The following DLGAP1 variants were observed in gnomAD, a reference collection of about 807,000 sequenced individuals.
DLGAP1 encodes DLG associated protein 1.
Under a neutral mutation model 90.8 loss-of-function variants are expected in DLGAP1, and 11 were observed. The ratio of observed to expected loss-of-function variants is 0.12; its 90% CI spans 0.08 to 0.20. DLGAP1 has a LOEUF of 0.20. DLGAP1 is among the 10% of genes least tolerant of loss of function. The pLI, the probability that DLGAP1 is intolerant of heterozygous loss-of-function variation, is 1.00. For synonymous variants in DLGAP1, 558 were observed against 540.7 expected, an observed-to-expected ratio of 1.03 and a Z score of -0.44; for missense variants, 1,050 against 1,333.8, an observed-to-expected ratio of 0.79 and a Z score of 3.31.
intron 12 of DLGAP1, among the ~76,000 whole-genome samples, chr18:3,501,281 C>T (rs929401315): frequency 1.3e-5 from 2 of 150,758 alleles, no homozygotes; most frequent in East Asian, 1.9e-4. Context: ...ACTAAATTAC[C>T]AGTATGTGTG....
intron 1 of DLGAP1, among the ~76,000 whole-genome samples, chr18:4,155,746 A>G (rs1568424942): frequency 6.6e-6 from 1 of 152,158 alleles, no homozygotes; most frequent in Non-Finnish European, 1.5e-5. Flanking sequence ...GAAGTGGAAG[A>G]AGGAGTGGAT....
chr18:3,962,230 C>A (rs1229541281), intron 3 of DLGAP1: 1 of 152,036 alleles, frequency 6.6e-6, no homozygotes. Flanking sequence ...AAATAAATTC[C>A]CTAGTTATTC....
chr18:4,298,276 C>T (rs927084808), intron 1 of DLGAP1, among the ~76,000 whole-genome samples: 5 of 152,102 alleles, frequency 3.3e-5, no homozygotes, highest in Non-Finnish European at 7.4e-5. Context: ...AGAAAATTTG[C>T]GTATACACAA....
chr18:4,230,876 T>G (rs1009572538), intron 1 of DLGAP1, among the ~76,000 whole-genome samples: 1 of 151,668 alleles, frequency 6.6e-6, no homozygotes, highest in Non-Finnish European at 1.5e-5. Context: ...AAATATGTCA[T>G]GTATGCCATA....
At chr18:4,034,986 G>A (rs762603420) in intron 2 of DLGAP1, among the ~76,000 whole-genome samples, 5 of 151,598 alleles carry the variant, frequency 3.3e-5, no homozygotes, top group Non-Finnish European at 5.9e-5. Context: ...CTTCATCCAT[G>A]TCCCTGCAAA....
chr18:4,261,320 TC>T (rs201175298), intron 1 of DLGAP1, among the ~76,000 whole-genome samples: 48 of 149,962 alleles, frequency 3.2e-4, no homozygotes, highest in Admixed American at 5.4e-4. Flanking sequence ...ACTCACAGCC[TC>T]CAGTGACCTG....
At chr18:4,119,434 G>A (rs1325251362) in intron 2 of DLGAP1, among the ~76,000 whole-genome samples, 5 of 152,148 alleles carry the variant, frequency 3.3e-5, no homozygotes, top group Admixed American at 1.3e-4. Context: ...AATAATTAGT[G>A]CACTGCAGGA....
intron 1 of DLGAP1, among the ~76,000 whole-genome samples, chr18:4,302,478 T>G (rs2080149132): frequency 6.6e-6 from 1 of 152,168 alleles, no homozygotes; most frequent in South Asian, 2.1e-4. Context: ...TGGGCCTCTA[T>G]TCTGTTCCAT....
At chr18:4,010,768 C>A (rs1193547886) in intron 2 of DLGAP1, among the ~76,000 whole-genome samples, 1 of 152,076 alleles carries the variant, frequency 6.6e-6, no homozygotes, top group Non-Finnish European at 1.5e-5. Flanking sequence ...AGATCCGCAT[C>A]TTTTTCCTGT....
chr18:3,781,016 G>A (rs936316526), intron 5 of DLGAP1, among the ~76,000 whole-genome samples: 2 of 152,036 alleles, frequency 1.3e-5, no homozygotes, highest in African/African-American at 4.8e-5. Context: ...TAGAGATGTG[G>A]TCGGTCTTGT....
At chr18:3,981,396 A>G (rs563533403) in intron 3 of DLGAP1, among the ~76,000 whole-genome samples, 15 of 152,346 alleles carry the variant, frequency 9.8e-5, no homozygotes, top group African/African-American at 3.1e-4. Context: ...ATCCCGACCC[A>G]TGAGGATTCA....
At chr18:3,551,158 C>CATATATATAT (rs1275015577) in intron 9 of DLGAP1, among the ~76,000 whole-genome samples, 150 of 7,816 alleles carry the variant, frequency 0.019, 3 homozygotes, top group Admixed American at 0.03. Flanking sequence ...ATATTATATA[C>CATATATATAT]ATATATATAT....
chr18:4,158,121 G>C (rs2076786932), intron 1 of DLGAP1, among the ~76,000 whole-genome samples: 1 of 152,116 alleles, frequency 6.6e-6, no homozygotes, highest in Non-Finnish European at 1.5e-5. Context: ...TTTAAATCTT[G>C]TATATCATTT....
At chr18:4,053,734 T>C (rs537511245) in intron 2 of DLGAP1, among the ~76,000 whole-genome samples, 1 of 152,310 alleles carries the variant, frequency 6.6e-6, no homozygotes, top group East Asian at 1.9e-4. Context: ...AAACCTCTTA[T>C]CTTTATAAAT....
intron 3 of DLGAP1, among the ~76,000 whole-genome samples, chr18:3,886,098 GA>G (rs1338487274): frequency 6.6e-6 from 1 of 152,114 alleles, no homozygotes; most frequent in Admixed American, 6.5e-5. Context: ...AGAGCATACT[GA>G]AGGCCCTCCT....
intron 10 of DLGAP1, among the ~76,000 whole-genome samples, chr18:3,530,728 T>C (rs998112719): frequency 2.6e-5 from 4 of 152,220 alleles, no homozygotes; most frequent in African/African-American, 9.7e-5. Flanking sequence ...GACCTAATTG[T>C]GCTTGGGGGT....
chr18:3,536,129 A>T (rs1032942775), intron 9 of DLGAP1, among the ~76,000 whole-genome samples: 1 of 152,130 alleles, frequency 6.6e-6, no homozygotes, highest in Non-Finnish European at 1.5e-5. Context: ...AACTCTTACC[A>T]AGTTAAGACT....
chr18:3,907,460 C>T (rs1357984045), intron 3 of DLGAP1, among the ~76,000 whole-genome samples: 5 of 152,192 alleles, frequency 3.3e-5, no homozygotes, highest in Non-Finnish European at 7.3e-5. Context: ...TGTAAGGAAA[C>T]TATCCCAGAT....
chr18:3,846,998 A>T (rs1229156171), intron 4 of DLGAP1, among the ~76,000 whole-genome samples: 1 of 152,240 alleles, frequency 6.6e-6, no homozygotes. Context: ...ATGTTAAATT[A>T]ACTTTACATC....
Sources: gnomAD v4.1 joint callset for allele counts (sites outside exome capture counted in the v4.1 genomes callset) on GRCh38, gnomAD v4.1.1 for gene constraint, MANE v1.5 for transcripts, NCBI Gene and HGNC (gene_info 2026-07-23, HGNC 2026-07-21) for gene names.